GNAO1: variants seen among roughly 807,000 people sequenced by gnomAD.
GNAO1 encodes the protein G protein subunit alpha o1, also known as guanine nucleotide-binding protein G(o) subunit alpha.
For missense variants in GNAO1, 166 were observed against 478.7 expected, an observed-to-expected ratio of 0.35 and a Z score of 6.10; for synonymous variants, 164 against 180.7, an observed-to-expected ratio of 0.91 and a Z score of 0.74.
chr16:56,229,948 C>G (rs188228928), intron 2 of GNAO1, among the ~76,000 whole-genome samples: 1 of 152,064 alleles, frequency 6.6e-6, no homozygotes, highest in Non-Finnish European at 1.5e-5. Flanking sequence ...CGAAGGGCAT[C>G]GCCTGTAGCA....
chr16:56,284,275 G>A (rs1310967023), intron 3 of GNAO1, among the ~76,000 whole-genome samples: 1 of 152,184 alleles, frequency 6.6e-6, no homozygotes, highest in African/African-American at 2.4e-5. Flanking sequence ...GCTTCTCCCA[G>A]CTCTGAAATT....
At chr16:56,312,262 A>G (rs1254231213) in intron 3 of GNAO1, among the ~76,000 whole-genome samples, 2 of 152,210 alleles carry the variant, frequency 1.3e-5, no homozygotes, top group Non-Finnish European at 2.9e-5. Context: ...GACCGTCAGC[A>G]AGTCTCATAA....
intron 2 of GNAO1, among the ~76,000 whole-genome samples, chr16:56,210,400 A>T (rs183137182): frequency 6.6e-6 from 1 of 152,226 alleles, no homozygotes; most frequent in Non-Finnish European, 1.5e-5. Flanking sequence ...TTGTGTGGAC[A>T]TAAGTTTTTA....
intron 2 of GNAO1, among the ~76,000 whole-genome samples, chr16:56,235,950 AT>A (rs1184356933): frequency 6.6e-6 from 1 of 152,236 alleles, no homozygotes; most frequent in East Asian, 1.9e-4. Flanking sequence ...ATCATTTGAA[AT>A]TTTCACAAAG....
rs2036328813 is a variant in GNAO1, at chr16:56,206,351, A to G, written c.161+13735A>G. ...AAAAAAAAAAAAAAAAAAAAGAGGCAGTTAGGAGCCAATGTTCAAGGAAGG... is the reference window on the plus strand; with the variant it reads ...AAAAAAAAAAAAAAAAAAAAGAGGCGGTTAGGAGCCAATGTTCAAGGAAGG... On this transcript the variant is annotated intron_variant, in intron 2 of 8. Coordinates refer to ENST00000262493, the MANE Select transcript of GNAO1 (RefSeq NM_020988.3). Among the ~76,000 whole-genome samples, 2 of 149,584 alleles carry G rather than the reference A, an allele frequency of 1.3e-5. 1 individual carries two copies. The highest frequency in any genetic ancestry group is 4.2e-4 in the South Asian group (2 of 4,728).
chr16:56,213,149 A>C, intron 2 of GNAO1: 6 of 384,990 alleles, frequency 1.6e-5, no homozygotes, highest in Non-Finnish European at 2.3e-5. Flanking sequence ...GGAAGAGGGA[A>C]TGTGAATTTG....
intron 3 of GNAO1, among the ~76,000 whole-genome samples, chr16:56,303,310 A>G (rs186560687): frequency 6.6e-6 from 1 of 152,286 alleles, no homozygotes; most frequent in Admixed American, 6.5e-5. Flanking sequence ...GACCCAAGCA[A>G]CCAAGTGGTG....
Position 56,351,303 on chromosome 16 carries a change from C to A in GNAO1, c.724-81C>A. The A allele has an allele frequency of 9.8e-7, 1 of 1,015,656 alleles. No individual in the cohort carries two copies. The highest frequency in any genetic ancestry group is 1.5e-6 in the Non-Finnish European group (1 of 669,086). 62.9% of individuals were successfully genotyped at this position (1,015,656 alleles called of 1,614,324 possible). A position where few individuals can be genotyped will look rare whatever the true frequency, so the allele number is the denominator to read the frequency against. ...AGTAGCCCAGTCCCTCTCTGTCAAG[C>A]CTAATTCTCTCCTTCTCTTTCCCTG... On this transcript the variant is annotated intron_variant, in intron 6 of 8. Transcript: ENST00000262493. The surrounding 1 kb of genome is among the most constrained non-coding windows in gnomAD (Gnocchi z 6.1).
At chr16:56,218,025 A>G (rs1224386218) in intron 2 of GNAO1, among the ~76,000 whole-genome samples, 1 of 152,240 alleles carries the variant, frequency 6.6e-6, no homozygotes, top group Non-Finnish European at 1.5e-5. Context: ...CAAACAACTC[A>G]CCATCTGAAA....
chr16:56,192,088 C>G lies in GNAO1; in HGVS notation c.-148C>G, dbSNP rs995061883. 1.7e-6 allele frequency: 1 copy of G among 604,166 alleles called. No individual in the cohort carries two copies. The highest frequency in any genetic ancestry group is 2.9e-6 in the Non-Finnish European group (1 of 339,534). 37.4% of individuals were successfully genotyped at this position (604,166 alleles called of 1,614,324 possible). On this transcript the variant is annotated 5_prime_UTR_variant, in exon 1 of 9. Transcript: ENST00000262493. Reference sequence around the variant, plus strand: ...CTGTCTTTTTGGAGGGTTCTGGTTTCCCGACATTTTTGTTTCCAGCCCAGG... The same window carrying G: ...CTGTCTTTTTGGAGGGTTCTGGTTTGCCGACATTTTTGTTTCCAGCCCAGG...
At chr16:56,219,816 G>T (rs1250147760) in intron 2 of GNAO1, among the ~76,000 whole-genome samples, 6 of 152,168 alleles carry the variant, frequency 3.9e-5, no homozygotes, top group Admixed American at 3.9e-4. Context: ...GAAGCATCTG[G>T]AAGTGTGTGC....
chr16:56,336,536 G>A, intron 5 of GNAO1, 195 bp from the exon 6 acceptor site: 2 of 559,784 alleles, frequency 3.6e-6, no homozygotes, highest in Non-Finnish European at 3.2e-6. Flanking sequence ...CAGACTCCAG[G>A]GGTAGTGCCT....
chr16:56,255,781 A>C (rs56223446), intron 2 of GNAO1, among the ~76,000 whole-genome samples: 2,631 of 152,134 alleles, frequency 0.017, 48 homozygotes, highest in South Asian at 0.053. Flanking sequence ...ATCCCCCTGG[A>C]TCTGTCCTCC....
chr16:56,203,523 A>G (rs1259724770), intron 2 of GNAO1, among the ~76,000 whole-genome samples: 1 of 152,074 alleles, frequency 6.6e-6, no homozygotes, highest in Non-Finnish European at 1.5e-5. Context: ...CGTGCTTATC[A>G]TGGGAGAGAC....
intron 2 of GNAO1, among the ~76,000 whole-genome samples, chr16:56,242,373 T>C (rs2036701601): frequency 6.6e-6 from 1 of 152,140 alleles, no homozygotes; most frequent in Admixed American, 6.5e-5. Flanking sequence ...AAAACAATCC[T>C]GAAAGAGAAG....
At chr16:56,277,814 C>G (rs2037075624) in intron 3 of GNAO1, among the ~76,000 whole-genome samples, 2 of 150,348 alleles carry the variant, frequency 1.3e-5, no homozygotes, top group South Asian at 2.1e-4. Context: ...CACACACACA[C>G]ACACACACAC....
chr16:56,211,369 A>T (rs1596798805), intron 2 of GNAO1, among the ~76,000 whole-genome samples: 1 of 152,322 alleles, frequency 6.6e-6, no homozygotes, highest in East Asian at 1.9e-4. Context: ...ACCAGACTAC[A>T]TGCCTTCTGC....
At chr16:56,281,956 TA>T (rs1408116777) in intron 3 of GNAO1, among the ~76,000 whole-genome samples, 2 of 152,252 alleles carry the variant, frequency 1.3e-5, no homozygotes, top group African/African-American at 4.8e-5. Context: ...CTTGCATATG[TA>T]AAATATATTG....
In GNAO1 at chr16:56,275,870, G is replaced by A. The variant is rs758141746; in HGVS notation, c.162-61G>A. 5 of 1,465,296 alleles carry A rather than the reference G, an allele frequency of 3.4e-6. No homozygotes were observed. The African/African-American group carries it at 7.0e-5, about 20-fold the overall frequency. The allele number at this position is 1,465,296 out of a possible 1,614,324, so 90.8% of individuals were successfully genotyped here. ...GTCAGCCAGTGCGTCTCATGCCTGT[G>A]CTCTCTGTGTTGATGAGGACAATGC... On this transcript the variant is annotated intron_variant, in intron 2 of 8. Coordinates refer to ENST00000262493, the MANE Select transcript of GNAO1 (RefSeq NM_020988.3).
Sources: allele counts gnomAD v4.1 joint callset (sites outside exome capture counted in the v4.1 genomes callset), GRCh38; gene constraint gnomAD v4.1.1; non-coding constraint Gnocchi (gnomAD v3.1); transcripts MANE v1.5; gene names NCBI Gene and HGNC (gene_info 2026-07-23, HGNC 2026-07-21).